ZMYM4: variants seen among roughly 807,000 people sequenced by gnomAD.
ZMYM4 encodes the protein zinc finger MYM-type protein 4.
In ZMYM4, 31 loss-of-function variants were observed where a neutral mutation model predicts 183.2. That is an observed-to-expected ratio of 0.17 (90% CI 0.13 to 0.23). ZMYM4 has a LOEUF of 0.23. ZMYM4 is among the 10% of genes least tolerant of loss of function. The pLI, the probability that ZMYM4 is intolerant of heterozygous loss-of-function variation, is 1.00. For synonymous variants in ZMYM4, 592 were observed against 631.2 expected, an observed-to-expected ratio of 0.94 and a Z score of 0.93; for missense variants, 1,273 against 1,840.3, an observed-to-expected ratio of 0.69 and a Z score of 5.64.
At chr1:35,397,328 T>A (rs1271376943) in intron 19 of ZMYM4, 49 bp from the exon 20 acceptor site, 1 of 1,459,220 alleles carries the variant, frequency 6.9e-7, no homozygotes, top group South Asian at 1.7e-5. Context: ...TACTTTTGGC[T>A]ACAAACCTGT....
At position 35,387,156 on chromosome 1, in the gene ZMYM4, G is replaced by A. The variant is rs374215402; in HGVS notation, c.1990G>A (p.Ala664Thr). Reference protein sequence around the residue: ...SPTSISSSAAAGLQRLAAQSQ... With the variant: ...SPTSISSSAATGLQRLAAQSQ... The stretch of plus-strand genomic sequence containing the variant: ...CACCTCCATCAGTAGCTCTGCTGCA[G>A]CTGGTCTCCAGCGTCTCGCTGCCCA... Residue 664 changes from alanine to threonine, a missense_variant, in exon 12 of 30, where the codon GCT becomes ACT. Ala to Thr is a moderately conservative substitution (Grantham distance 58). Around this residue, in one of 6 missense-constraint regions of ZMYM4, gnomAD observed 319 missense variants for 518.1 expected, o/e 0.62. Transcript: ENST00000314607. The A allele has an allele frequency of 5.0e-6, 8 of 1,614,110 alleles. No individual in the cohort carries two copies. In the African/African-American group the frequency reaches 1.1e-4, roughly 22 times the overall value.
chr1:35,413,267 A>G lies in ZMYM4; in HGVS notation c.3949-705A>G, dbSNP rs570749877. On this transcript the variant is annotated intron_variant, in intron 26 of 29. Coordinates refer to ENST00000314607, the MANE Select transcript of ZMYM4 (RefSeq NM_005095.3). ...ACTGTGTTGCCCAGGTTAGTCTTGCACTATTGACCTCAAGTGATCCTCTCA... is the reference window on the plus strand; with the variant it reads ...ACTGTGTTGCCCAGGTTAGTCTTGCGCTATTGACCTCAAGTGATCCTCTCA... Among the ~76,000 whole-genome samples the G allele has an allele frequency of 2.6e-5, 4 of 151,516 alleles. No homozygotes were observed. The East Asian group carries it at 5.8e-4, about 22-fold the overall frequency.
chr1:35,331,655 C>T (rs1382877268), intron 2 of ZMYM4, among the ~76,000 whole-genome samples: 2 of 151,766 alleles, frequency 1.3e-5, no homozygotes, highest in East Asian at 3.9e-4. Context: ...GGTGTGGTGG[C>T]GGGCACCTGT....
intron 7 of ZMYM4, among the ~76,000 whole-genome samples, 178 bp from the exon 8 acceptor site, chr1:35,381,081 A>G (rs1048105218): frequency 6.6e-6 from 1 of 152,188 alleles, no homozygotes; most frequent in African/African-American, 2.4e-5. Flanking sequence ...ATAGAAAATA[A>G]TTTAAGGATC....
chr1:35,290,114 C>T lies in ZMYM4; in HGVS notation c.39+21029C>T, dbSNP rs553914472. ...TCTGAAGTAGCTGAGATTACAGATG[C>T]GCACTACCACGCCCAGCTAATTTTT... On this transcript the variant is annotated intron_variant, in intron 1 of 29. Coordinates refer to ENST00000314607, the MANE Select transcript of ZMYM4 (RefSeq NM_005095.3). Among the ~76,000 whole-genome samples, 46 of 151,940 alleles carry T rather than the reference C, an allele frequency of 3.0e-4. 1 individual carries two copies. Among genetic ancestry groups the T allele is most frequent in the Non-Finnish European group, 4.3e-4 (29 of 68,008 alleles).
At chr1:35,348,026 C>A (rs1380073997) in intron 2 of ZMYM4, among the ~76,000 whole-genome samples, 1 of 152,104 alleles carries the variant, frequency 6.6e-6, no homozygotes, top group Non-Finnish European at 1.5e-5. Context: ...CTCTAATCTT[C>A]TTGATCATTG....
chr1:35,377,002 G>A (rs1375408286), intron 7 of ZMYM4, among the ~76,000 whole-genome samples: 1 of 151,770 alleles, frequency 6.6e-6, no homozygotes, highest in East Asian at 1.9e-4. Context: ...CGCCTCCCAG[G>A]TTCAAGCGAT....
At chr1:35,388,123 A>G (rs1644619710) in intron 13 of ZMYM4, among the ~76,000 whole-genome samples, 1 of 152,204 alleles carries the variant, frequency 6.6e-6, no homozygotes, top group African/African-American at 2.4e-5. Flanking sequence ...GGGCTTTCAA[A>G]CCTTTTGATA....
At chr1:35,373,057 G>T (rs1644249061) in intron 7 of ZMYM4, among the ~76,000 whole-genome samples, 1 of 152,042 alleles carries the variant, frequency 6.6e-6, no homozygotes. Flanking sequence ...TACTCAGATG[G>T]CTGAGGCACA....
intron 7 of ZMYM4, among the ~76,000 whole-genome samples, chr1:35,378,181 C>T (rs774192611): frequency 3.9e-5 from 6 of 152,190 alleles, no homozygotes; most frequent in Non-Finnish European, 7.3e-5. Flanking sequence ...ATTTCTCCCA[C>T]ATTTGTAGTT....
chr1:35,276,817 A>G (rs537666533), intron 1 of ZMYM4, among the ~76,000 whole-genome samples: 2 of 152,182 alleles, frequency 1.3e-5, no homozygotes, highest in East Asian at 1.9e-4. Flanking sequence ...ATGTTGGCCA[A>G]GCTGGTCTCA....
rs1644986408 is a variant in ZMYM4, at chr1:35,405,482, C to T, written c.3796+14C>T. Reference sequence around the variant, plus strand: ...CAGGCTGTAGAGGTAAAATTTGTTTCTCTCCATTTGGTATGAATTATTTAT... The same window carrying T: ...CAGGCTGTAGAGGTAAAATTTGTTTTTCTCCATTTGGTATGAATTATTTAT... On this transcript the variant is annotated intron_variant, in intron 25 of 29. Coordinates refer to ENST00000314607, the MANE Select transcript of ZMYM4 (RefSeq NM_005095.3). The T allele has an allele frequency of 1.9e-6, 3 of 1,573,214 alleles. No individual in the cohort carries two copies. Among genetic ancestry groups the T allele is most frequent in the South Asian group, 2.4e-5 (2 of 83,606 alleles).
At position 35,368,338 on chromosome 1, in the gene ZMYM4, A is replaced by G. The variant is rs78496649; in HGVS notation, c.841-1691A>G. On this transcript the variant is annotated intron_variant, in intron 5 of 29. Transcript: ENST00000314607. ...CTTATTCTTTTAATGTGGAAATAAA[A>G]CTTTGTAAGAGATAGAAGAAATCAC... Among the ~76,000 whole-genome samples, 1,286 of 152,316 alleles carry G rather than the reference A, an allele frequency of 8.4e-3. 8 individuals are homozygous for G. Among genetic ancestry groups the G allele is most frequent in the African/African-American group, 0.029 (1,220 of 41,570 alleles).
At chr1:35,287,034 T>C (rs1202057040) in intron 1 of ZMYM4, among the ~76,000 whole-genome samples, 2 of 151,932 alleles carry the variant, frequency 1.3e-5, no homozygotes, top group Non-Finnish European at 2.9e-5. Context: ...ATTTGACTTT[T>C]CTTAGATCTT....
At chr1:35,347,405 A>C (rs1643437111) in intron 2 of ZMYM4, among the ~76,000 whole-genome samples, 1 of 152,228 alleles carries the variant, frequency 6.6e-6, no homozygotes. Context: ...TTATGAGAGT[A>C]AAAAAATGAA....
At chr1:35,271,306 C>T (rs1327819500) in intron 1 of ZMYM4, among the ~76,000 whole-genome samples, 3 of 151,134 alleles carry the variant, frequency 2.0e-5, no homozygotes, top group Non-Finnish European at 2.9e-5. Flanking sequence ...TGCCTCTTGT[C>T]GTACACTTAA....
intron 1 of ZMYM4, among the ~76,000 whole-genome samples, chr1:35,282,582 G>C (rs1371253041): frequency 6.6e-6 from 1 of 152,018 alleles, no homozygotes; most frequent in African/African-American, 2.4e-5. Flanking sequence ...TTGAGACAGG[G>C]TCTCACTTTG....
chr1:35,386,899 T>C, intron 11 of ZMYM4, 104 bp from the exon 12 acceptor site: 1 of 1,285,930 alleles, frequency 7.8e-7, no homozygotes, highest in South Asian at 1.4e-5. Context: ...TGTTAACAGA[T>C]GTACCTTACA....
At chr1:35,327,127 C>A (rs954832055) in intron 2 of ZMYM4, among the ~76,000 whole-genome samples, 1 of 152,206 alleles carries the variant, frequency 6.6e-6, no homozygotes, top group South Asian at 2.1e-4. Context: ...TCCCAAAGTC[C>A]TGGGATTACA....
Sources: gnomAD v4.1 joint callset for allele counts (sites outside exome capture counted in the v4.1 genomes callset) on GRCh38, gnomAD v4.1.1 for gene constraint, gnomAD v4.1.1 regional missense constraint, MANE v1.5 for transcripts, NCBI Gene and HGNC (gene_info 2026-07-23, HGNC 2026-07-21) for gene names.